The following SOX5 variants were observed in gnomAD, a reference collection of about 807,000 sequenced individuals.
SOX5 encodes SRY-box transcription factor 5.
A neutral mutation model predicts 92.0 loss-of-function variants in SOX5; 9 were observed. That is an observed-to-expected ratio of 0.10 (90% CI 0.06 to 0.17). The LOEUF (loss-of-function observed/expected upper bound fraction) is 0.17, where lower values mean the gene tolerates loss of function less well. SOX5 is among the 10% of genes least tolerant of loss of function. The pLI, the probability that SOX5 is intolerant of heterozygous loss-of-function variation, is 1.00. For missense variants in SOX5, 642 were observed against 944.5 expected (o/e 0.68, Z 4.20); for synonymous variants, 344 against 336.3 (o/e 1.02, Z -0.25).
intron 3 of SOX5, among the ~76,000 whole-genome samples, chr12:24,262,169 T>C (rs1382562023): frequency 2.6e-5 from 4 of 152,112 alleles, no homozygotes; most frequent in African/African-American, 7.2e-5. Flanking sequence ...GACTACAAAC[T>C]GTAGGTTGCA....
chr12:24,316,377 G>T (rs114813325), intron 2 of SOX5, among the ~76,000 whole-genome samples: 5 of 152,108 alleles, frequency 3.3e-5, no homozygotes, highest in Admixed American at 6.5e-5. Context: ...ACCATCATTT[G>T]CCTCTTTCTG....
intron 2 of SOX5, among the ~76,000 whole-genome samples, chr12:23,859,660 C>T (rs1771846035): frequency 6.6e-6 from 1 of 152,120 alleles, no homozygotes; most frequent in Admixed American, 6.6e-5. Flanking sequence ...TCATACACCC[C>T]TCCCCTTTTG....
At chr12:24,522,780 CCATATATAAGAATTCCA>C (rs1950373974) in intron 1 of SOX5, among the ~76,000 whole-genome samples, 1 of 151,960 alleles carries the variant, frequency 6.6e-6, no homozygotes, top group Non-Finnish European at 1.5e-5. Context: ...ACAGTAAAAG[CCATATATAAGAATTCCA>C]CATCTACTCA....
chr12:24,104,726 C>A (rs1047081554), intron 4 of SOX5, among the ~76,000 whole-genome samples: 6 of 152,214 alleles, frequency 3.9e-5, no homozygotes, highest in Non-Finnish European at 7.3e-5. Context: ...TCAGAAATGT[C>A]TCTGCCAAAG....
intron 2 of SOX5, among the ~76,000 whole-genome samples, chr12:24,351,281 T>C (rs1954051404): frequency 6.6e-6 from 1 of 152,220 alleles, no homozygotes; most frequent in Non-Finnish European, 1.5e-5. Context: ...CTGTACTTTA[T>C]CATCTGTACC....
chr12:23,968,534 G>A (rs1298039844), intron 4 of SOX5, among the ~76,000 whole-genome samples: 2 of 152,086 alleles, frequency 1.3e-5, no homozygotes, highest in African/African-American at 4.8e-5. Context: ...GGACAAATCC[G>A]CCCCTACTCC....
At chr12:24,488,588 A>G (rs1946751498) in intron 1 of SOX5, among the ~76,000 whole-genome samples, 2 of 152,124 alleles carry the variant, frequency 1.3e-5, no homozygotes, top group Admixed American at 1.3e-4. Flanking sequence ...CCTGTCTCAG[A>G]AAAAAAATCT....
At chr12:24,305,799 G>T (rs567970550) in intron 2 of SOX5, among the ~76,000 whole-genome samples, 1 of 152,226 alleles carries the variant, frequency 6.6e-6, no homozygotes, top group South Asian at 2.1e-4. Context: ...GTTTTACTTT[G>T]TTGCCCACGC....
intron 1 of SOX5, among the ~76,000 whole-genome samples, chr12:23,919,815 G>T (rs10842241): frequency 0.48 from 72,535 of 152,064 alleles, 17,352 homozygotes; most frequent in South Asian, 0.55. Flanking sequence ...GTGCATTACA[G>T]ACAGAAACTA....
chr12:23,866,541 G>A lies in SOX5; in HGVS notation c.271-20348C>T, dbSNP rs1303179241. 2.0e-5 allele frequency among the ~76,000 whole-genome samples: 3 copies of A among 152,058 alleles called. No homozygotes were observed. The East Asian group carries it at 5.8e-4, about 29-fold the overall frequency. On this transcript the variant is annotated intron_variant, in intron 2 of 14. Transcript: ENST00000451604. ...GATGCCTGTTAACACTTCATTTCTT[G>A]TCCATTGCCATTTCATATCCAAAGC...
At chr12:23,816,184 G>A (rs2095987735) in intron 3 of SOX5, among the ~76,000 whole-genome samples, 1 of 150,648 alleles carries the variant, frequency 6.6e-6, no homozygotes, top group African/African-American at 2.4e-5. Context: ...ATCTAATGGA[G>A]GAGAGACACT....
At chr12:24,414,856 G>C (rs900120604) in intron 1 of SOX5, among the ~76,000 whole-genome samples, 2 of 152,094 alleles carry the variant, frequency 1.3e-5, no homozygotes, top group Non-Finnish European at 2.9e-5. Context: ...AAACTCTCCT[G>C]TCAACAGAGC....
At chr12:24,251,396 C>A (rs1940006518) in intron 3 of SOX5, among the ~76,000 whole-genome samples, 1 of 152,034 alleles carries the variant, frequency 6.6e-6, no homozygotes, top group African/African-American at 2.4e-5. Flanking sequence ...TTTTGATGAC[C>A]TTCTTGAATT....
At chr12:24,162,662 G>C (rs750470048) in intron 4 of SOX5, among the ~76,000 whole-genome samples, 7 of 152,120 alleles carry the variant, frequency 4.6e-5, no homozygotes, top group Non-Finnish European at 8.8e-5. Context: ...TATCCTCTGG[G>C]AAAACAAACT....
intron 1 of SOX5, among the ~76,000 whole-genome samples, chr12:24,369,214 T>C (rs1405842486): frequency 6.6e-6 from 1 of 152,192 alleles, no homozygotes; most frequent in African/African-American, 2.4e-5. Flanking sequence ...TATGAGAACA[T>C]GATCTCCTGA....
intron 2 of SOX5, among the ~76,000 whole-genome samples, chr12:23,890,356 C>G (rs1337809328): frequency 6.6e-6 from 1 of 151,542 alleles, no homozygotes. Context: ...TCACTCAACA[C>G]ACAAGTATTT....
chr12:24,475,346 C>G (rs1199002439), intron 1 of SOX5, among the ~76,000 whole-genome samples: 3 of 152,194 alleles, frequency 2.0e-5, no homozygotes, highest in African/African-American at 7.2e-5. Flanking sequence ...TGGTTCAAGT[C>G]TCTCCCTTAT....
intron 6 of SOX5, among the ~76,000 whole-genome samples, chr12:23,715,896 A>G (rs1391269496): frequency 1.3e-5 from 2 of 151,856 alleles, no homozygotes; most frequent in Non-Finnish European, 2.9e-5. Flanking sequence ...CTCACTATCT[A>G]TTATCCAAAC....
intron 6 of SOX5, among the ~76,000 whole-genome samples, chr12:23,673,391 T>TCA (rs1566890320): frequency 6.6e-6 from 1 of 152,168 alleles, no homozygotes; most frequent in Non-Finnish European, 1.5e-5. Context: ...TACAGCATGG[T>TCA]CATTTGAATG....
Sources: gnomAD v4.1 joint callset for allele counts (sites outside exome capture counted in the v4.1 genomes callset) on GRCh38, gnomAD v4.1.1 for gene constraint, MANE v1.5 for transcripts, NCBI Gene and HGNC (gene_info 2026-07-23, HGNC 2026-07-21) for gene names.